Variants in XPO7 observed in about 807,000 individuals in gnomAD.
The protein encoded by XPO7 is exportin-7.
Under a neutral mutation model 144.3 loss-of-function variants are expected in XPO7, and 21 were observed. The ratio of observed to expected loss-of-function variants is 0.15; its 90% CI spans 0.10 to 0.21. The LOEUF is 0.21. Ranked by LOEUF, XPO7 falls within the 10% of genes least tolerant of loss-of-function variation. The probability of loss-of-function intolerance (pLI) is 1.00; values close to 1 mark genes in which losing one functional copy is unlikely to be tolerated. For synonymous variants in XPO7, 580 were observed against 499.6 expected (o/e 1.16, Z -2.15); for missense variants, 808 against 1,325.8 (o/e 0.61, Z 6.06).
At chr8:21,928,019 T>G (rs558977438) in intron 1 of XPO7, among the ~76,000 whole-genome samples, 1 of 152,336 alleles carries the variant, frequency 6.6e-6, no homozygotes, top group South Asian at 2.1e-4. Flanking sequence ...CCATTTAAAG[T>G]GTACAAATTG....
rs777391090 is a variant in XPO7, at chr8:21,942,458, A to AT, written c.18+22676dup. On this transcript the variant is annotated intron_variant, in intron 1 of 27. Transcript: ENST00000252512. Reference sequence around the variant, plus strand: ...TTTAGTAAGGTAGCATTGTTTTATAATTTTTTGTGAATTTCTTTAATATGT... The same window carrying AT: ...TTTAGTAAGGTAGCATTGTTTTATAATTTTTTTGTGAATTTCTTTAATATGT... 5.9e-5 allele frequency among the ~76,000 whole-genome samples: 9 copies of AT among 152,310 alleles called. No homozygotes were observed. In the East Asian group the frequency reaches 1.5e-3, roughly 26 times the overall value.
intron 4 of XPO7, among the ~76,000 whole-genome samples, chr8:21,970,844 G>A (rs940985512): frequency 4.6e-5 from 7 of 152,140 alleles, no homozygotes; most frequent in Non-Finnish European, 7.4e-5. Flanking sequence ...CTGTCTTAAT[G>A]TTGTAGCACA....
intron 1 of XPO7, among the ~76,000 whole-genome samples, chr8:21,944,373 G>T (rs1811090086): frequency 1.3e-5 from 2 of 152,144 alleles, no homozygotes; most frequent in South Asian, 4.1e-4. Context: ...TTCGAGACCA[G>T]CCTGGCCAAC....
intron 1 of XPO7, among the ~76,000 whole-genome samples, chr8:21,934,722 G>A (rs1328763423): frequency 1.3e-5 from 2 of 152,192 alleles, no homozygotes; most frequent in Non-Finnish European, 2.9e-5. Context: ...TAAGGAGGCA[G>A]TGGGGCTCAA....
rs1439747380 is a variant in XPO7, at chr8:21,980,212, A to T, written c.957+9A>T. 6.4e-7 allele frequency: 1 copy of T among 1,574,562 alleles called. No individual in the cohort carries two copies. Among genetic ancestry groups the T allele is most frequent in the Non-Finnish European group, 8.6e-7 (1 of 1,158,476 alleles). ...TACTGGAAAACCCACAGGTAAGTTT[A>T]TCTGAGAATTTACATATGTATAGGA... On this transcript the variant is annotated intron_variant, in intron 9 of 27. Coordinates refer to ENST00000252512, the MANE Select transcript of XPO7 (RefSeq NM_015024.5).
intron 13 of XPO7, among the ~76,000 whole-genome samples, chr8:21,986,003 T>A (rs1812566972): frequency 6.6e-6 from 1 of 152,174 alleles, no homozygotes; most frequent in Non-Finnish European, 1.5e-5. Context: ...CATCCCAAAA[T>A]AAGTCTAAAA....
chr8:21,983,696 G>A (rs1812478075), intron 11 of XPO7, among the ~76,000 whole-genome samples: 1 of 152,222 alleles, frequency 6.6e-6, no homozygotes, highest in African/African-American at 2.4e-5. Flanking sequence ...TAGCCAGTTA[G>A]TAGCTCTGTA....
chr8:21,937,028 C>T (rs1410170203), intron 1 of XPO7, among the ~76,000 whole-genome samples: 5 of 152,160 alleles, frequency 3.3e-5, no homozygotes, highest in Admixed American at 6.5e-5. Context: ...TCACTCTTAA[C>T]GGACTCAGAC....
chr8:21,956,025 C>A (rs1166320902), intron 1 of XPO7, among the ~76,000 whole-genome samples: 2 of 152,068 alleles, frequency 1.3e-5, no homozygotes, highest in Non-Finnish European at 1.5e-5. Flanking sequence ...CTGCGCCCAG[C>A]CCCCGTGCTT....
At chr8:22,002,351 C>T in intron 25 of XPO7, 79 bp downstream of exon 25, 1 of 1,488,674 alleles carries the variant, frequency 6.7e-7, no homozygotes, top group African/African-American at 1.4e-5. Flanking sequence ...GGAGCCCACA[C>T]ACGATTAACA....
rs1812444728 is a variant in XPO7 at position 21,982,663 on chromosome 8, T to C, written c.1128T>C (p.Ser376=). ...AGCACTGGGAATTTGCTCCAAATAG[T>C]GTGCACTATCTTCTGAGCCTGTGGC... ...SLQHWEFAPN[S]VHYLLSLWQR... Residue 376 remains serine, a synonymous_variant, in exon 11 of 28, where the codon AGT becomes AGC. Transcript: ENST00000252512. 2 of 1,599,492 alleles carry C rather than the reference T, an allele frequency of 1.3e-6. No individual in the cohort carries two copies. The highest frequency in any genetic ancestry group is 1.7e-6 in the Non-Finnish European group (2 of 1,175,572).
At chr8:21,992,138 G>T (rs1482462769) in intron 19 of XPO7, among the ~76,000 whole-genome samples, 164 bp downstream of exon 19, 1 of 151,936 alleles carries the variant, frequency 6.6e-6, no homozygotes, top group Non-Finnish European at 1.5e-5. Flanking sequence ...GTAAACTTCT[G>T]TTTTTATATT....
chr8:21,946,574 G>GAAA (rs375503342), intron 1 of XPO7, among the ~76,000 whole-genome samples: 67 of 88,924 alleles, frequency 7.5e-4, no homozygotes, highest in Middle Eastern at 6.8e-3. Context: ...TTCTAGAACT[G>GAAA]AAAAAAAAAA....
At chr8:21,920,599 C>T (rs1810247773) in intron 1 of XPO7, among the ~76,000 whole-genome samples, 1 of 152,192 alleles carries the variant, frequency 6.6e-6, no homozygotes, top group Non-Finnish European at 1.5e-5. Flanking sequence ...CCAGGCCACT[C>T]TCCTCAAAGA....
chr8:22,001,935 A>G lies in XPO7; in HGVS notation c.2783-177A>G, dbSNP rs1813161450. ...CTTTATTACCACATACTCACTTTCAAACTTAGAAATTGAGCCCTACTGTAC... is the reference window on the plus strand; with the variant it reads ...CTTTATTACCACATACTCACTTTCAGACTTAGAAATTGAGCCCTACTGTAC... On this transcript the variant is annotated intron_variant, in intron 24 of 27. Transcript: ENST00000252512. 6.6e-6 allele frequency among the ~76,000 whole-genome samples: 1 copy of G among 152,120 alleles called. No individual in the cohort carries two copies. The highest frequency in any genetic ancestry group is 1.5e-5 in the Non-Finnish European group (1 of 68,018).
chr8:21,996,737 G>C (rs752310592), intron 21 of XPO7, among the ~76,000 whole-genome samples: 2 of 152,114 alleles, frequency 1.3e-5, no homozygotes, highest in Non-Finnish European at 2.9e-5. Flanking sequence ...TCAGGTATGG[G>C]CATTGGTCTC....
intron 1 of XPO7, among the ~76,000 whole-genome samples, chr8:21,940,404 G>A (rs1371276841): frequency 6.6e-6 from 1 of 151,772 alleles, no homozygotes; most frequent in African/African-American, 2.4e-5. Context: ...CCCACTGAGT[G>A]GAGAGATGTG....
chr8:21,961,979 A>G (rs1391980326), intron 1 of XPO7, among the ~76,000 whole-genome samples: 1 of 152,188 alleles, frequency 6.6e-6, no homozygotes, highest in Admixed American at 6.5e-5. Context: ...TAGTCATTCT[A>G]ATGGCTATCT....
rs577698449 is a variant in XPO7, at chr8:21,981,862, A to G, written c.1089A>G (p.Thr363=). 6.2e-7 allele frequency: 1 copy of G among 1,613,992 alleles called. No homozygotes were observed. Among genetic ancestry groups the G allele is most frequent in the East Asian group, 2.2e-5 (1 of 44,880 alleles). ...TCATCCGATTGATAGCCAACTTCAC[A>G]GTGACCAGCCTACAGGTTTGTCTTT... ...PEVIRLIANF[T]VTSLQHWEFA... The change falls in exon 10 of 28, where the codon ACA becomes ACG. Residue 363 remains threonine (T), a synonymous_variant. Coordinates refer to ENST00000252512, the MANE Select transcript of XPO7 (RefSeq NM_015024.5).
Sources: allele counts gnomAD v4.1 joint callset (sites outside exome capture counted in the v4.1 genomes callset), GRCh38; gene constraint gnomAD v4.1.1; transcripts MANE v1.5; gene names NCBI Gene and HGNC (gene_info 2026-07-23, HGNC 2026-07-21).